The following SMARCA1 variants were observed in gnomAD, a reference collection of about 807,000 sequenced individuals.
The protein encoded by SMARCA1 is SNF2 related chromatin remodeling ATPase 1, also known as SWI/SNF-related matrix-associated actin-dependent regulator of chromatin subfamily A member 1.
A neutral mutation model predicts 93.6 loss-of-function variants in SMARCA1; 17 were observed. The ratio of observed to expected loss-of-function variants is 0.18; its 90% CI spans 0.12 to 0.27. The LOEUF is 0.27. Among genes scored for constraint, SMARCA1 ranks in the 10% least tolerant of loss-of-function variants. The probability of loss-of-function intolerance (pLI) is 1.00; values close to 1 mark genes in which losing one functional copy is unlikely to be tolerated. For missense variants in SMARCA1, 630 were observed against 819.0 expected (o/e 0.77, Z 2.82); for synonymous variants, 271 against 271.4 (o/e 1.00, Z 0.01).
At chrX:129,449,047 A>C (rs1172104184) in intron 23 of SMARCA1, among the ~76,000 whole-genome samples, 2 of 110,922 alleles carry the variant, frequency 1.8e-5, no homozygotes, top group Non-Finnish European at 3.8e-5. Flanking sequence ...CACGAATGTC[A>C]ATTTCCTGGT....
chrX:129,519,038 A>G (rs746405152), intron 1 of SMARCA1, among the ~76,000 whole-genome samples: 1 of 112,005 alleles, frequency 8.9e-6, no homozygotes, highest in South Asian at 3.7e-4. Context: ...GCTTATGTTA[A>G]TTTTCTCTAA....
chrX:129,468,913 C>T lies in SMARCA1; in HGVS notation c.2566-8G>A, dbSNP rs755239123. 1.7e-6 allele frequency: 2 copies of T among 1,164,827 alleles called. No homozygotes were observed. Among genetic ancestry groups the T allele is most frequent in the Non-Finnish European group, 1.2e-6 (1 of 862,402 alleles). On this transcript the variant is annotated splice_region_variant and splice_polypyrimidine_tract_variant and intron_variant, in intron 20 of 24. Transcript: ENST00000371121. Reference sequence around the variant, plus strand: ...AGTCCAGTTTGTGAAACCCTGTGAACAAAAAGTTAAGCATTATCAATAGAG... The same window carrying T: ...AGTCCAGTTTGTGAAACCCTGTGAATAAAAAGTTAAGCATTATCAATAGAG...
At position 129,518,393 on chromosome X, in the gene SMARCA1, T is replaced by C. The variant is rs1935276057; in HGVS notation, c.229A>G (p.Lys77Glu). 1.7e-6 allele frequency: 2 copies of C among 1,195,911 alleles called. No individual in the cohort carries two copies. Among genetic ancestry groups the C allele is most frequent in the South Asian group, 1.8e-5 (1 of 54,804 alleles). ...KLAAKAPKSEKEMDPEYEEKM... is the reference protein window; with the variant it reads ...KLAAKAPKSEEEMDPEYEEKM... ...TCTTCATATTCTGGGTCCATTTCCT[T>C]TTCAGATTTAGGCGCTTTAGCAGCA... Residue 77 changes from lysine to glutamate, a missense_variant, in exon 2 of 25, where the codon AAG becomes GAG. By Grantham distance (56) the Lys-to-Glu change is moderately conservative. Coordinates refer to ENST00000371121, the MANE Select transcript of SMARCA1 (RefSeq NM_001282874.2).
intron 17 of SMARCA1, among the ~76,000 whole-genome samples, chrX:129,486,732 C>A (rs987491534): frequency 9.0e-6 from 1 of 110,608 alleles, no homozygotes; most frequent in Non-Finnish European, 1.9e-5. Flanking sequence ...CAACCTCAAT[C>A]CTACACTGCT....
At chrX:129,504,605 G>C in intron 9 of SMARCA1, 129 bp downstream of exon 9, 1 of 334,575 alleles carries the variant, frequency 3.0e-6, no homozygotes, top group East Asian at 6.0e-5. Flanking sequence ...AGAAAGGTTA[G>C]GAGGGAGAAA....
chrX:129,462,874 G>A (rs765520796), intron 23 of SMARCA1, among the ~76,000 whole-genome samples: 2 of 111,130 alleles, frequency 1.8e-5, no homozygotes, highest in Admixed American at 1.9e-4. Flanking sequence ...GTAAAAAGAA[G>A]ATGGAAGAAA....
chrX:129,467,511 G>T (rs1353281700), intron 21 of SMARCA1, among the ~76,000 whole-genome samples: 1 of 110,368 alleles, frequency 9.1e-6, no homozygotes. Flanking sequence ...CTAAATTTAT[G>T]TGCTAAATGT....
At chrX:129,454,203 A>G (rs1258754604) in intron 23 of SMARCA1, among the ~76,000 whole-genome samples, 2 of 112,384 alleles carry the variant, frequency 1.8e-5, no homozygotes, top group Admixed American at 9.4e-5. Flanking sequence ...AGGATTCCCT[A>G]TTTAATAAAT....
chrX:129,518,892 A>G (rs1385940659), intron 1 of SMARCA1, among the ~76,000 whole-genome samples: 3 of 110,350 alleles, frequency 2.7e-5, no homozygotes, highest in Non-Finnish European at 5.7e-5. Flanking sequence ...ACACTTTCAG[A>G]AAAAAAAACT....
intron 23 of SMARCA1, among the ~76,000 whole-genome samples, chrX:129,455,270 G>A (rs748466425): frequency 9.0e-5 from 10 of 111,416 alleles, no homozygotes; most frequent in African/African-American, 2.0e-4. Flanking sequence ...GGAATACTAC[G>A]CAGTCATAAA....
chrX:129,470,060 C>CAA (rs1239159540), intron 20 of SMARCA1, among the ~76,000 whole-genome samples: 1 of 110,101 alleles, frequency 9.1e-6, no homozygotes, highest in Non-Finnish European at 1.9e-5. Context: ...TACGTTATAG[C>CAA]AAAAAAAACC....
chrX:129,504,032 C>T (rs1305286812), intron 9 of SMARCA1, among the ~76,000 whole-genome samples: 6 of 107,464 alleles, frequency 5.6e-5, no homozygotes, highest in African/African-American at 1.4e-4. Context: ...AATCCCAGCA[C>T]TTTGGGAGGC....
rs139613229 is a variant in SMARCA1, at chrX:129,502,225, G to A, written c.1168-2384C>T. On this transcript the variant is annotated intron_variant, in intron 9 of 24. Coordinates refer to ENST00000371121, the MANE Select transcript of SMARCA1 (RefSeq NM_001282874.2). ...GGATACAGAGAGGTCAATTTAGGAG[G>A]CGTCAGTATATAGGTGGTAGGTAAA... is the stretch of plus-strand genomic sequence containing the variant. 7.6e-3 allele frequency among the ~76,000 whole-genome samples: 851 copies of A among 111,472 alleles called. 11 individuals are homozygous for A. Among genetic ancestry groups the A allele is most frequent in the African/African-American group, 0.026 (792 of 30,672 alleles).
chrX:129,452,981 GCTTTTA>G (rs2124156857), intron 23 of SMARCA1, among the ~76,000 whole-genome samples: 1 of 111,346 alleles, frequency 9.0e-6, no homozygotes, highest in Non-Finnish European at 1.9e-5. Flanking sequence ...TGGTCAGTGA[GCTTTTA>G]TGTTACTATC....
intron 13 of SMARCA1, 61 bp from the exon 14 acceptor site, chrX:129,492,154 G>A: frequency 1.5e-5 from 10 of 678,400 alleles, no homozygotes; most frequent in East Asian, 3.3e-5. Flanking sequence ...AGACCATCAG[G>A]GTCCTTAAGA....
intron 10 of SMARCA1, 106 bp downstream of exon 10, chrX:129,499,626 T>C (rs932212335): frequency 2.4e-6 from 1 of 409,301 alleles, no homozygotes; most frequent in Non-Finnish European, 4.4e-6. Context: ...GCCATTTAAA[T>C]ATAAAATGTA....
At chrX:129,511,301 T>C (rs1935009833) in intron 6 of SMARCA1, among the ~76,000 whole-genome samples, 1 of 111,699 alleles carries the variant, frequency 9.0e-6, no homozygotes, top group Non-Finnish European at 1.9e-5. Flanking sequence ...CGTCTATGCA[T>C]AAACACAAAA....
intron 14 of SMARCA1, among the ~76,000 whole-genome samples, chrX:129,490,556 G>C (rs1215192283): frequency 8.9e-6 from 1 of 112,005 alleles, no homozygotes; most frequent in Non-Finnish European, 1.9e-5. Context: ...GGTGGCAAAA[G>C]TCTGCTTTAT....
rs1424638672 is a variant in SMARCA1 at position 129,491,818 on chromosome X, C to T, written c.1815+123G>A. 11 of 444,617 alleles carry T rather than the reference C, an allele frequency of 2.5e-5. No individual in the cohort carries two copies. In the East Asian group the frequency reaches 4.2e-4, roughly 17 times the overall value. The allele number at this position is 444,617 out of a possible 1,213,427, so 36.6% of individuals were successfully genotyped here. A position where few individuals can be genotyped will look rare whatever the true frequency, so the allele number is the denominator to read the frequency against. ...CAACTGTGTTTTCCAGGATAATCTACTGTAACTTCTATAAAATCTCTCAAA... is the reference window on the plus strand; with the variant it reads ...CAACTGTGTTTTCCAGGATAATCTATTGTAACTTCTATAAAATCTCTCAAA... On this transcript the variant is annotated intron_variant, in intron 14 of 24. Coordinates refer to ENST00000371121, the MANE Select transcript of SMARCA1 (RefSeq NM_001282874.2).
Sources: allele counts gnomAD v4.1 joint callset (sites outside exome capture counted in the v4.1 genomes callset), GRCh38; gene constraint gnomAD v4.1.1; transcripts MANE v1.5; gene names NCBI Gene and HGNC (gene_info 2026-07-23, HGNC 2026-07-21).